The following EEF2K variants were observed in gnomAD, a reference collection of about 807,000 sequenced individuals.
The protein encoded by EEF2K is alternative protein EEF2K.
EEF2K carries 70 observed loss-of-function variants against 93.8 expected under a neutral mutation model. The observed-to-expected ratio is 0.75, with a 90% CI of 0.62 to 0.91. EEF2K has a LOEUF of 0.91. Ranked by LOEUF, EEF2K falls within the 40% of genes least tolerant of loss-of-function variation. The pLI is 0.00. For synonymous variants in EEF2K, 376 were observed against 380.8 expected, an observed-to-expected ratio of 0.99 and a Z score of 0.15; for missense variants, 935 against 972.9, an observed-to-expected ratio of 0.96 and a Z score of 0.52.
At chr16:22,212,370 C>T (rs2046923086) in intron 1 of EEF2K, among the ~76,000 whole-genome samples, 1 of 151,780 alleles carries the variant, frequency 6.6e-6, no homozygotes, top group Admixed American at 6.6e-5. Context: ...GTCACCCAGG[C>T]TGGAGTGCAG....
Position 22,283,868 on chromosome 16 carries a change from C to T in EEF2K, c.2069-19C>T, listed in dbSNP as rs761982822. ...AACAGGTGGTTCACCTCTTTTTGCC[C>T]CCCTTTGCTGTCTTTCAGGGGACTT... On this transcript the variant is annotated intron_variant, in intron 17 of 17. Coordinates refer to ENST00000263026, the MANE Select transcript of EEF2K (RefSeq NM_013302.5). 101 of 1,567,796 alleles carry T rather than the reference C, an allele frequency of 6.4e-5. No individual in the cohort carries two copies. Among genetic ancestry groups the T allele is most frequent in the Non-Finnish European group, 8.3e-5 (96 of 1,156,426 alleles).
intron 15 of EEF2K, among the ~76,000 whole-genome samples, chr16:22,268,357 G>C (rs1470146338): frequency 1.3e-5 from 2 of 151,734 alleles, no homozygotes; most frequent in Non-Finnish European, 2.9e-5. Context: ...TTTTAGTAGA[G>C]ACAGAGCTTC....
chr16:22,265,757 A>AG (rs1426438137), intron 13 of EEF2K, among the ~76,000 whole-genome samples: 2 of 152,168 alleles, frequency 1.3e-5, no homozygotes, highest in African/African-American at 4.8e-5. Context: ...GAGCCTTTGG[A>AG]GGGGGCATCT....
chr16:22,209,833 C>A (rs1332658113), intron 1 of EEF2K, among the ~76,000 whole-genome samples: 1 of 152,212 alleles, frequency 6.6e-6, no homozygotes, highest in Non-Finnish European at 1.5e-5. Context: ...TGCTCTGTCA[C>A]CCAGGCTGCG....
chr16:22,236,064 A>C (rs1275224047), intron 2 of EEF2K, among the ~76,000 whole-genome samples: 3 of 151,930 alleles, frequency 2.0e-5, no homozygotes, highest in East Asian at 1.9e-4. Context: ...TGGCCTCCCA[A>C]ATTGCTGGGA....
intron 4 of EEF2K, 103 bp from the exon 5 acceptor site, chr16:22,250,551 G>A: frequency 7.1e-7 from 1 of 1,409,138 alleles, no homozygotes; most frequent in Non-Finnish European, 1.0e-6. Context: ...TGAGGCCCAG[G>A]GCACCCATTT....
At chr16:22,249,938 C>T (rs189251423) in intron 4 of EEF2K, among the ~76,000 whole-genome samples, 6 of 152,122 alleles carry the variant, frequency 3.9e-5, no homozygotes, top group East Asian at 1.9e-4. Context: ...TGCACCATCA[C>T]GCCCAGCCAA....
At chr16:22,264,587 C>CA (rs1336559750) in intron 12 of EEF2K, among the ~76,000 whole-genome samples, 2 of 152,196 alleles carry the variant, frequency 1.3e-5, no homozygotes, top group Non-Finnish European at 2.9e-5. Context: ...AGGGGGACAG[C>CA]AAGGCTGTGA....
At chr16:22,219,364 C>T (rs2046990779) in intron 1 of EEF2K, among the ~76,000 whole-genome samples, 3 of 152,246 alleles carry the variant, frequency 2.0e-5, no homozygotes, top group Admixed American at 2.0e-4. Flanking sequence ...GGTGCAGTGG[C>T]TCACGCCTGT....
In EEF2K at chr16:22,266,756, G is replaced by A. The variant is rs1292047200; in HGVS notation, c.1644G>A (p.Gln548=). The A allele has an allele frequency of 4.3e-6, 7 of 1,614,206 alleles. No individual in the cohort carries two copies. Among genetic ancestry groups the A allele is most frequent in the Non-Finnish European group, 5.1e-6 (6 of 1,180,032 alleles). Residue 548 remains glutamine (Q), a synonymous_variant, in exon 15 of 18, where the codon CAG becomes CAA. Transcript: ENST00000263026. ...RFCEKGEEWD[Q]ESAVFHLEHA... ...GCGAGAAGGGCGAGGAGTGGGACCA[G>A]GAGTCGGCTGTCTTCCACCTGGAGC...
intron 2 of EEF2K, among the ~76,000 whole-genome samples, chr16:22,226,182 A>G (rs777581430): frequency 6.8e-4 from 103 of 152,190 alleles, no homozygotes; most frequent in Non-Finnish European, 8.5e-4. Context: ...TTTTTCAAAT[A>G]GTAGCCCAGG....
At chr16:22,232,371 C>A (rs545377964) in intron 2 of EEF2K, among the ~76,000 whole-genome samples, 3 of 152,100 alleles carry the variant, frequency 2.0e-5, no homozygotes, top group Admixed American at 6.6e-5. Flanking sequence ...AGACCACAGG[C>A]GTGCACCACC....
Position 22,283,932 on chromosome 16 carries a change from A to C in EEF2K, c.2114A>C (p.Lys705Thr). 1 of 1,600,868 alleles carries C rather than the reference A, an allele frequency of 6.2e-7. No individual in the cohort carries two copies. Among genetic ancestry groups the C allele is most frequent in the Non-Finnish European group, 8.5e-7 (1 of 1,173,978 alleles). Reference protein sequence around the residue: ...QAAEAAMEAMKGRLANQYYQK... With the variant: ...QAAEAAMEAMTGRLANQYYQK... The stretch of plus-strand genomic sequence containing the variant: ...GCAGAGGCAGCGATGGAAGCCATGA[A>C]GGGCCGACTGGCCAACCAGTACTAC... The change falls in exon 18 of 18, where the codon AAG becomes ACG. Residue 705 changes from lysine (K) to threonine (T), a missense_variant. Physicochemically the swap from Lys to Thr is moderately conservative, Grantham distance 78. Coordinates refer to ENST00000263026, the MANE Select transcript of EEF2K (RefSeq NM_013302.5).
chr16:22,281,215 C>T (rs573547202), intron 17 of EEF2K, among the ~76,000 whole-genome samples: 1 of 152,282 alleles, frequency 6.6e-6, no homozygotes, highest in South Asian at 2.1e-4. Flanking sequence ...GTGTGAGCCA[C>T]CATGCCTGGC....
Position 22,286,841 on chromosome 16 carries a change from C to T in EEF2K, c.*2845C>T, listed in dbSNP as rs948575746. On this transcript the variant is annotated 3_prime_UTR_variant, in exon 18 of 18. Coordinates refer to ENST00000263026, the MANE Select transcript of EEF2K (RefSeq NM_013302.5). ...GTCAGTGCACTCACCCTTTGAGGCT[C>T]TGGTTCCTCCAAACAATGATTCGTT... is the stretch of plus-strand genomic sequence containing the variant. 1 of 152,248 alleles carries T rather than the reference C, an allele frequency of 6.6e-6. No individual in the cohort carries two copies. Among genetic ancestry groups the T allele is most frequent in the Non-Finnish European group, 1.5e-5 (1 of 68,090 alleles). The allele number at this position is 152,248 out of a possible 1,614,324, so 9.4% of individuals were successfully genotyped here. A position where few individuals can be genotyped will look rare whatever the true frequency, so the allele number is the denominator to read the frequency against.
At chr16:22,270,176 T>C (rs142134647) in intron 15 of EEF2K, among the ~76,000 whole-genome samples, 16 of 152,090 alleles carry the variant, frequency 1.1e-4, no homozygotes, top group Non-Finnish European at 1.9e-4. Context: ...TGGAGTGTGA[T>C]GGCATGGTCT....
chr16:22,219,601 CTGGGCAGCA>C (rs1167997937), intron 1 of EEF2K, among the ~76,000 whole-genome samples: 9 of 152,144 alleles, frequency 5.9e-5, no homozygotes, highest in Non-Finnish European at 1.3e-4. Flanking sequence ...TTACTCCAGC[CTGGGCAGCA>C]GAACAAGACC....
intron 11 of EEF2K, among the ~76,000 whole-genome samples, chr16:22,261,802 T>A (rs1401421151): frequency 6.6e-6 from 1 of 151,552 alleles, no homozygotes; most frequent in East Asian, 1.9e-4. Flanking sequence ...GCCAGGAGTT[T>A]AAGACCAGTC....
At position 22,284,068 on chromosome 16, in the gene EEF2K, A is replaced by G; in HGVS notation, c.*72A>G. ...AAAGATTAAAAAAACAACAACAACA[A>G]CTTATTTAGTTTGGGGAGGGGAAGC... On this transcript the variant is annotated 3_prime_UTR_variant, in exon 18 of 18. Transcript: ENST00000263026. 1 of 1,303,376 alleles carries G rather than the reference A, an allele frequency of 7.7e-7. No homozygotes were observed. Among genetic ancestry groups the G allele is most frequent in the Non-Finnish European group, 1.1e-6 (1 of 938,688 alleles). 80.7% of individuals were successfully genotyped at this position (1,303,376 alleles called of 1,614,324 possible). A position where few individuals can be genotyped will look rare whatever the true frequency, so the allele number is the denominator to read the frequency against.
Sources: gnomAD v4.1 joint callset for allele counts (sites outside exome capture counted in the v4.1 genomes callset) on GRCh38, gnomAD v4.1.1 for gene constraint, MANE v1.5 for transcripts, NCBI Gene and HGNC (gene_info 2026-07-23, HGNC 2026-07-21) for gene names.